The following SOX5 variants were observed in gnomAD, a reference collection of about 807,000 sequenced individuals.
SOX5 encodes the protein transcription factor SOX-5.
Under a neutral mutation model 92.0 loss-of-function variants are expected in SOX5, and 9 were observed. The observed-to-expected ratio is 0.10, with a 90% confidence interval of 0.06 to 0.17. SOX5 has a LOEUF of 0.17. Ranked by LOEUF, SOX5 falls within the 10% of genes least tolerant of loss-of-function variation. SOX5 has a pLI of 1.00. For missense variants in SOX5, 642 were observed against 944.5 expected (o/e 0.68, Z 4.20); for synonymous variants, 344 against 336.3 (o/e 1.02, Z -0.25).
intron 4 of SOX5, among the ~76,000 whole-genome samples, chr12:24,171,470 G>A (rs774037678): frequency 2.0e-5 from 3 of 151,892 alleles, no homozygotes; most frequent in Admixed American, 6.6e-5. Flanking sequence ...TGATCCACCC[G>A]CCTCGGCTTC....
intron 1 of SOX5, among the ~76,000 whole-genome samples, chr12:24,549,372 T>C (rs1290858828): frequency 6.6e-6 from 1 of 152,226 alleles, no homozygotes; most frequent in Non-Finnish European, 1.5e-5. Context: ...GTCTGGCTCA[T>C]AGTAGGCACT....
intron 1 of SOX5, among the ~76,000 whole-genome samples, chr12:24,540,817 A>T (rs1952055160): frequency 2.6e-5 from 4 of 152,312 alleles, no homozygotes; most frequent in African/African-American, 9.6e-5. Flanking sequence ...TTCAAAAATC[A>T]AACTCTGTAC....
intron 3 of SOX5, among the ~76,000 whole-genome samples, chr12:23,820,251 C>A (rs1274502817): frequency 6.6e-6 from 1 of 152,078 alleles, no homozygotes; most frequent in African/African-American, 2.4e-5. Flanking sequence ...TGTTCATATC[C>A]TTTGCCCACT....
At chr12:24,065,545 T>A (rs1367408469) in intron 4 of SOX5, among the ~76,000 whole-genome samples, 2 of 146,312 alleles carry the variant, frequency 1.4e-5, no homozygotes, top group African/African-American at 2.6e-5. Context: ...TACTCAGGAG[T>A]CTGAGGCAAG....
At chr12:23,976,390 TAAAAAAAC>T (rs1409403413) in intron 4 of SOX5, among the ~76,000 whole-genome samples, 23 of 111,566 alleles carry the variant, frequency 2.1e-4, no homozygotes, top group South Asian at 1.2e-3. Context: ...TGAACACTAT[TAAAAAAAC>T]AAAAAAACAA....
At chr12:24,166,760 C>T (rs1217555660) in intron 4 of SOX5, among the ~76,000 whole-genome samples, 1 of 152,204 alleles carries the variant, frequency 6.6e-6, no homozygotes, top group Non-Finnish European at 1.5e-5. Flanking sequence ...AACGAACACG[C>T]ATTGTTTGCA....
intron 1 of SOX5, among the ~76,000 whole-genome samples, chr12:24,486,812 C>T (rs2137896998): frequency 6.6e-6 from 1 of 152,246 alleles, no homozygotes; most frequent in African/African-American, 2.4e-5. Flanking sequence ...GTACTGAGTC[C>T]CTTAAAACCA....
At chr12:23,863,268 C>T (rs2096775692) in intron 2 of SOX5, among the ~76,000 whole-genome samples, 1 of 152,056 alleles carries the variant, frequency 6.6e-6, no homozygotes, top group African/African-American at 2.4e-5. Flanking sequence ...CATGATTAAC[C>T]TCAGATTGCA....
intron 4 of SOX5, among the ~76,000 whole-genome samples, chr12:24,145,498 T>TA (rs1950990151): frequency 6.6e-6 from 1 of 152,076 alleles, no homozygotes; most frequent in Non-Finnish European, 1.5e-5. Context: ...TATAACACAA[T>TA]AACTCTTTTT....
chr12:24,134,709 T>C (rs901671563), intron 4 of SOX5, among the ~76,000 whole-genome samples: 7 of 152,082 alleles, frequency 4.6e-5, no homozygotes, highest in Non-Finnish European at 7.4e-5. Context: ...GATGGGAGAA[T>C]TGAACAAAAA....
At chr12:23,711,733 A>C (rs1422035436) in intron 6 of SOX5, among the ~76,000 whole-genome samples, 1 of 152,230 alleles carries the variant, frequency 6.6e-6, no homozygotes, top group Non-Finnish European at 1.5e-5. Context: ...TAGAAAGCTT[A>C]AAAATATTAT....
intron 4 of SOX5, among the ~76,000 whole-genome samples, chr12:24,191,374 C>A (rs139545471): frequency 1.4e-4 from 22 of 152,224 alleles, no homozygotes; most frequent in African/African-American, 5.1e-4. Flanking sequence ...CTTTAATCTG[C>A]GTTGAGGATT....
intron 3 of SOX5, among the ~76,000 whole-genome samples, chr12:23,783,826 C>A (rs545254073): frequency 6.6e-6 from 1 of 152,290 alleles, no homozygotes; most frequent in African/African-American, 2.4e-5. Context: ...ATTTCCTCCA[C>A]ATGCAACAAA....
intron 3 of SOX5, among the ~76,000 whole-genome samples, chr12:23,819,692 TC>T (rs2096068677): frequency 6.6e-6 from 1 of 152,174 alleles, no homozygotes; most frequent in South Asian, 2.1e-4. Flanking sequence ...GGTTTTCTGT[TC>T]CTGTGTTAGT....
intron 9 of SOX5, among the ~76,000 whole-genome samples, chr12:23,600,733 T>A (rs901230701): frequency 6.6e-6 from 1 of 151,770 alleles, no homozygotes; most frequent in Admixed American, 6.6e-5. Context: ...GATTTCTTTT[T>A]GTGTTTTCAC....
chr12:23,689,645 C>CA (rs1218354466), intron 6 of SOX5, among the ~76,000 whole-genome samples: 1 of 152,002 alleles, frequency 6.6e-6, no homozygotes, highest in East Asian at 1.9e-4. Context: ...TCCTATCTCC[C>CA]AAAAATACAT....
In SOX5 at chr12:24,118,349, A is replaced by T. The variant is rs114478688; in HGVS notation, c.-2+94994T>A. Among the ~76,000 whole-genome samples the T allele has an allele frequency of 2.5e-3, 383 of 152,300 alleles. 2 individuals are homozygous for T. The highest frequency in any genetic ancestry group is 8.8e-3 in the African/African-American group (366 of 41,574). ...CTACTATGTATACATACATTGAAAC[A>T]TCACATTGTACCCCATAAGTATACA... is the stretch of plus-strand genomic sequence containing the variant. On this transcript the variant is annotated intron_variant, in intron 4 of 4. Coordinates refer to the SOX5 transcript ENST00000446891.
chr12:23,613,371 G>A (rs910061852), intron 8 of SOX5, among the ~76,000 whole-genome samples: 4 of 151,664 alleles, frequency 2.6e-5, no homozygotes, highest in African/African-American at 7.3e-5. Context: ...ACAAATGCTG[G>A]CAAGGATGTG....
intron 7 of SOX5, among the ~76,000 whole-genome samples, chr12:23,644,828 C>G (rs2080617108): frequency 6.6e-6 from 1 of 152,078 alleles, no homozygotes; most frequent in Admixed American, 6.6e-5. Flanking sequence ...ATTGTAAATA[C>G]TATTATAGTA....
Sources: allele counts gnomAD v4.1 joint callset (sites outside exome capture counted in the v4.1 genomes callset), GRCh38; gene constraint gnomAD v4.1.1; transcripts MANE v1.5; gene names NCBI Gene and HGNC (gene_info 2026-07-23, HGNC 2026-07-21).